Variants in DDR2 observed in about 807,000 individuals in gnomAD.
The protein encoded by DDR2 is discoidin domain-containing receptor 2.
In DDR2, 27 loss-of-function variants were observed where a neutral mutation model predicts 94.9. The ratio of observed to expected loss-of-function variants is 0.28; its 90% CI spans 0.21 to 0.39. The LOEUF (loss-of-function observed/expected upper bound fraction) is 0.39. DDR2 is among the 10% of genes least tolerant of loss of function. DDR2 has a pLI of 1.00. For synonymous variants in DDR2, 382 were observed against 377.2 expected (o/e 1.01, Z -0.15); for missense variants, 783 against 1,076.0 (o/e 0.73, Z 3.81).
chr1:162,678,710 G>A lies in DDR2; in HGVS notation c.-28+23336G>A, dbSNP rs112925733. 3.8e-3 allele frequency among the ~76,000 whole-genome samples: 571 copies of A among 152,240 alleles called. 3 individuals carry two copies. The highest frequency in any genetic ancestry group is 0.012 in the African/African-American group (511 of 41,542). On this transcript the variant is annotated intron_variant, in intron 2 of 17. Transcript: ENST00000367921. The stretch of plus-strand genomic sequence containing the variant: ...TAACCTTGTATCTTCCCGTAAAACC[G>A]TCTGTCCTCACAAAGTGGCACAATT...
intron 1 of DDR2, among the ~76,000 whole-genome samples, chr1:162,637,672 T>A (rs535511343): frequency 6.6e-6 from 1 of 152,340 alleles, no homozygotes; most frequent in African/African-American, 2.4e-5. Flanking sequence ...TAGCTACAGT[T>A]TGAGGTTTCT....
At chr1:162,670,360 C>G (rs1018628651) in intron 2 of DDR2, among the ~76,000 whole-genome samples, 38 of 152,342 alleles carry the variant, frequency 2.5e-4, no homozygotes, top group African/African-American at 8.9e-4. Flanking sequence ...CCTGCCTTGG[C>G]CTCCCAAGGT....
At chr1:162,658,051 G>A (rs73018544) in intron 2 of DDR2, among the ~76,000 whole-genome samples, 4,189 of 152,196 alleles carry the variant, frequency 0.028, 193 homozygotes, top group African/African-American at 0.095. Context: ...GCTCAAAAGA[G>A]CAACTCTGCC....
intron 2 of DDR2, among the ~76,000 whole-genome samples, chr1:162,673,249 G>A (rs1658956926): frequency 6.6e-6 from 1 of 152,140 alleles, no homozygotes; most frequent in Non-Finnish European, 1.5e-5. Context: ...GTTCTCAAAG[G>A]TGGGGCCCCA....
chr1:162,695,017 T>G (rs1038252692), intron 2 of DDR2, among the ~76,000 whole-genome samples: 1 of 152,228 alleles, frequency 6.6e-6, no homozygotes, highest in Non-Finnish European at 1.5e-5. Flanking sequence ...AATGTCTTGC[T>G]TTGGCTGTGG....
In DDR2 at chr1:162,784,972, C is replaced by T. The variant is rs1648091130; in HGVS notation, c.*4726C>T. On this transcript the variant is annotated 3_prime_UTR_variant, in exon 18 of 18. Coordinates refer to ENST00000367921, the MANE Select transcript of DDR2 (RefSeq NM_006182.4). ...TTTGTAAACTGGCCTTGCTTGGATA[C>T]AACAGGAAAGATACTATCTGGATAA... is the stretch of plus-strand genomic sequence containing the variant. 1 of 152,180 alleles carries T rather than the reference C, an allele frequency of 6.6e-6. No individual in the cohort carries two copies. The highest frequency in any genetic ancestry group is 1.5e-5 in the Non-Finnish European group (1 of 68,034). 9.4% of individuals were successfully genotyped at this position (152,180 alleles called of 1,614,324 possible).
In DDR2 at chr1:162,648,432, A is replaced by G. The variant is rs74896112; in HGVS notation, c.-191-6779A>G. Among the ~76,000 whole-genome samples, 845 of 152,136 alleles carry G rather than the reference A, an allele frequency of 5.6e-3. 19 individuals are homozygous for G. The highest frequency in any genetic ancestry group is 0.032 in the East Asian group (163 of 5,168). On this transcript the variant is annotated intron_variant, in intron 1 of 17. Transcript: ENST00000367921. ...AGCATGGGGAAATAACATTGCATAG[A>G]TGGGTTTTCTGACATTAAATAGAGC...
intron 2 of DDR2, among the ~76,000 whole-genome samples, chr1:162,685,623 G>A (rs1269474326): frequency 6.6e-6 from 1 of 152,052 alleles, no homozygotes; most frequent in Non-Finnish European, 1.5e-5. Flanking sequence ...TGATCTCGGA[G>A]GTCCTTTCTG....
intron 2 of DDR2, among the ~76,000 whole-genome samples, chr1:162,677,385 G>A (rs1001711593): frequency 1.3e-5 from 2 of 152,110 alleles, no homozygotes; most frequent in Admixed American, 1.3e-4. Flanking sequence ...TGCACATGTT[G>A]GCATTCAATT....
chr1:162,702,868 C>T (rs769807117), intron 2 of DDR2, among the ~76,000 whole-genome samples: 19 of 152,222 alleles, frequency 1.2e-4, no homozygotes, highest in African/African-American at 4.6e-4. Context: ...CCCTTGGCTT[C>T]AATAGAGAAA....
At position 162,750,026 on chromosome 1, in the gene DDR2, C is replaced by T. The variant is rs1289371354; in HGVS notation, c.83-3069C>T. Among the ~76,000 whole-genome samples the T allele has an allele frequency of 2.6e-5, 4 of 152,176 alleles. No homozygotes were observed. In the East Asian group the frequency reaches 7.7e-4, roughly 29 times the overall value. On this transcript the variant is annotated intron_variant, in intron 3 of 17. Coordinates refer to ENST00000367921, the MANE Select transcript of DDR2 (RefSeq NM_006182.4). ...GTAAGAGCTATTTATGACAAACGCACAGCCAATATCATACTGAATGGGCAA... is the reference window on the plus strand; with the variant it reads ...GTAAGAGCTATTTATGACAAACGCATAGCCAATATCATACTGAATGGGCAA...
chr1:162,696,138 A>G (rs932981388), intron 2 of DDR2, among the ~76,000 whole-genome samples: 2 of 151,692 alleles, frequency 1.3e-5, no homozygotes, highest in African/African-American at 2.4e-5. Context: ...AGTAAATTTC[A>G]TGGGTTCGGC....
At chr1:162,656,217 C>T (rs1657955229) in intron 2 of DDR2, among the ~76,000 whole-genome samples, 1 of 152,192 alleles carries the variant, frequency 6.6e-6, no homozygotes, top group Non-Finnish European at 1.5e-5. Flanking sequence ...GCATCTAGCA[C>T]AGGGTCTGAC....
intron 2 of DDR2, among the ~76,000 whole-genome samples, chr1:162,707,711 A>G (rs1660723322): frequency 6.6e-6 from 1 of 152,200 alleles, no homozygotes; most frequent in Non-Finnish European, 1.5e-5. Flanking sequence ...CTGGGCTCAC[A>G]ATAGATGCTA....
intron 3 of DDR2, among the ~76,000 whole-genome samples, chr1:162,723,249 G>A (rs533018758): frequency 1.3e-5 from 2 of 152,266 alleles, no homozygotes; most frequent in Admixed American, 6.5e-5. Flanking sequence ...TGGGGCTCCT[G>A]GTGGAGGATA....
intron 3 of DDR2, among the ~76,000 whole-genome samples, chr1:162,730,304 G>T (rs1429166771): frequency 6.6e-6 from 1 of 152,132 alleles, no homozygotes; most frequent in East Asian, 1.9e-4. Flanking sequence ...CAGAGGTAGA[G>T]CAGCCCGGGA....
chr1:162,728,072 A>G (rs1661800706), intron 3 of DDR2, among the ~76,000 whole-genome samples: 1 of 143,600 alleles, frequency 7.0e-6, no homozygotes. Flanking sequence ...CACACTATAT[A>G]TATCTATATA....
At chr1:162,698,108 C>T (rs1369437705) in intron 2 of DDR2, among the ~76,000 whole-genome samples, 2 of 152,200 alleles carry the variant, frequency 1.3e-5, no homozygotes, top group Admixed American at 1.3e-4. Flanking sequence ...TATCTATCTG[C>T]AGCAAAACTG....
chr1:162,754,506 G>A, intron 4 of DDR2, 118 bp from the exon 5 acceptor site: 1 of 1,025,636 alleles, frequency 9.8e-7, no homozygotes, highest in Non-Finnish European at 1.5e-6. Context: ...AACCCAAAAT[G>A]TTTATAAGGA....
Sources: gnomAD v4.1 joint callset for allele counts (sites outside exome capture counted in the v4.1 genomes callset) on GRCh38, gnomAD v4.1.1 for gene constraint, MANE v1.5 for transcripts, NCBI Gene and HGNC (gene_info 2026-07-23, HGNC 2026-07-21) for gene names.